PCDH11X: variants seen among roughly 807,000 people sequenced by gnomAD.
PCDH11X encodes the protein protocadherin-11 X-linked.
PCDH11X carries 18 observed loss-of-function variants against 53.3 expected under a neutral mutation model. That is an observed-to-expected ratio of 0.34 (90% confidence interval 0.23 to 0.50). The LOEUF (loss-of-function observed/expected upper bound fraction) is 0.50, where lower values mean the gene tolerates loss of function less well. Among genes scored for constraint, PCDH11X ranks in the 20% least tolerant of loss-of-function variants. PCDH11X has a pLI of 0.98. For missense variants in PCDH11X, 570 were observed against 1,032.4 expected, an observed-to-expected ratio of 0.55 and a Z score of 6.14; for synonymous variants, 279 against 393.3, an observed-to-expected ratio of 0.71 and a Z score of 3.44.
chrX:92,541,411 C>T, intron 10 of PCDH11X, among the ~76,000 whole-genome samples: 1 of 111,491 alleles, frequency 9.0e-6, no homozygotes, highest in East Asian at 2.8e-4. Context: ...CACAGGGCCA[C>T]TGCCAGTGGA....
At chrX:91,886,593 A>T (rs1053403429) in intron 6 of PCDH11X, among the ~76,000 whole-genome samples, 4 of 109,636 alleles carry the variant, frequency 3.6e-5, no homozygotes, top group African/African-American at 1.3e-4. Context: ...ATTATAAAAC[A>T]ATTTTAATCT....
At chrX:92,262,942 A>G (rs1278151316) in intron 7 of PCDH11X, 172 bp from the exon 8 acceptor site, 2 of 595,065 alleles carry the variant, frequency 3.4e-6, no homozygotes, top group African/African-American at 5.0e-5. Flanking sequence ...AATGTAGGAG[A>G]TGAAAGTAGT....
At chrX:91,973,982 G>A (rs1443278926) in intron 6 of PCDH11X, among the ~76,000 whole-genome samples, 1 of 110,701 alleles carries the variant, frequency 9.0e-6, no homozygotes. Context: ...CAGGCATTTT[G>A]CAAAACCTTT....
rs768267876 is a variant in PCDH11X, at chrX:91,901,534, TGTAA to T, written c.3033+22265_3033+22268del. On this transcript the variant is annotated intron_variant, in intron 6 of 10. Transcript: ENST00000682573. ...TCTCCATAGGCATAGGGAGATATTA[TGTAA>T]GTATTACTCTCTTTTCTGAATTACC... Among the ~76,000 whole-genome samples, 447 of 111,466 alleles carry T rather than the reference TGTAA, an allele frequency of 4.0e-3. 3 individuals are homozygous for T. Among genetic ancestry groups the T allele is most frequent in the South Asian group, 0.021 (55 of 2,654 alleles).
At chrX:92,291,151 C>G (rs1240601964) in intron 8 of PCDH11X, among the ~76,000 whole-genome samples, 1 of 107,817 alleles carries the variant, frequency 9.3e-6, no homozygotes, top group African/African-American at 3.4e-5. Context: ...CTCAAATGAT[C>G]CTCCCACCTG....
chrX:92,161,512 G>A (rs2476050), intron 6 of PCDH11X, among the ~76,000 whole-genome samples: 7 of 110,421 alleles, frequency 6.3e-5, no homozygotes, highest in African/African-American at 2.3e-4. Context: ...ATCTTTTTGC[G>A]ATGAATTTCC....
At chrX:92,041,983 A>C (rs746750522) in intron 6 of PCDH11X, among the ~76,000 whole-genome samples, 4 of 112,259 alleles carry the variant, frequency 3.6e-5, no homozygotes, top group Non-Finnish European at 7.5e-5. Flanking sequence ...AAACAAAAAA[A>C]TAGCCTCTAT....
intron 8 of PCDH11X, among the ~76,000 whole-genome samples, chrX:92,378,511 A>G (rs2148561632): frequency 9.0e-6 from 1 of 110,616 alleles, no homozygotes; most frequent in African/African-American, 3.3e-5. Context: ...ATATAAATAT[A>G]TATGTTTCTG....
intron 10 of PCDH11X, among the ~76,000 whole-genome samples, chrX:92,593,655 G>A (rs1489942524): frequency 4.5e-5 from 5 of 111,740 alleles, no homozygotes; most frequent in Non-Finnish European, 9.4e-5. Flanking sequence ...GATTGATCTT[G>A]TAAATGAAGT....
chrX:92,425,374 C>A (rs1235917481), intron 9 of PCDH11X, among the ~76,000 whole-genome samples: 2 of 107,466 alleles, frequency 1.9e-5, no homozygotes, highest in Admixed American at 2.0e-4. Flanking sequence ...ACAAAGTTCC[C>A]TAATATATTG....
At position 92,070,437 on chromosome X, in the gene PCDH11X, T is replaced by G. The variant is rs1346964906; in HGVS notation, c.3034-130938T>G. Among the ~76,000 whole-genome samples, 4 of 112,167 alleles carry G rather than the reference T, an allele frequency of 3.6e-5. No homozygotes were observed. In the Admixed American group the frequency reaches 3.8e-4, roughly 11 times the overall value. On this transcript the variant is annotated intron_variant, in intron 6 of 10. Transcript: ENST00000682573. ...TACAGAATATTTTCACAAGATATAC[T>G]ATTCTGGAATAAAAATTTTATTTCC...
chrX:92,551,336 A>G (rs937529256), intron 10 of PCDH11X, among the ~76,000 whole-genome samples: 19 of 108,944 alleles, frequency 1.7e-4, no homozygotes, highest in Non-Finnish European at 3.5e-4. Context: ...TTTTTCATAT[A>G]CTTGTTTGAC....
At chrX:91,908,075 A>G (rs1569436810) in intron 6 of PCDH11X, among the ~76,000 whole-genome samples, 1 of 111,373 alleles carries the variant, frequency 9.0e-6, no homozygotes, top group Non-Finnish European at 1.9e-5. Context: ...CTATTGGAAG[A>G]TACCCTAAGC....
chrX:92,274,880 G>T (rs745547376), intron 8 of PCDH11X, among the ~76,000 whole-genome samples: 1 of 109,375 alleles, frequency 9.1e-6, no homozygotes, highest in South Asian at 4.0e-4. Context: ...GGGAAATGGG[G>T]TGAATATCAG....
chrX:92,093,015 C>G (rs1207795843), intron 6 of PCDH11X, among the ~76,000 whole-genome samples: 1 of 111,595 alleles, frequency 9.0e-6, no homozygotes, highest in African/African-American at 3.3e-5. Flanking sequence ...CCACCACTCA[C>G]TCTCTTCCTC....
At chrX:92,333,343 G>T (rs1457262660) in intron 8 of PCDH11X, among the ~76,000 whole-genome samples, 1 of 110,863 alleles carries the variant, frequency 9.0e-6, no homozygotes, top group Non-Finnish European at 1.9e-5. Context: ...CTTTTTTATG[G>T]CTTGTGTAAT....
chrX:92,168,628 G>A (rs2065774288), intron 6 of PCDH11X, among the ~76,000 whole-genome samples: 1 of 111,407 alleles, frequency 9.0e-6, no homozygotes, highest in Admixed American at 9.6e-5. Context: ...ATAAACATGT[G>A]TGTCTTTTCT....
rs1362594354 is a variant in PCDH11X, at chrX:91,809,558, A to G, written c.-286A>G. Among the ~76,000 whole-genome samples the G allele has an allele frequency of 9.6e-6, 1 of 104,519 alleles. No homozygotes were observed. Among genetic ancestry groups the G allele is most frequent in the Non-Finnish European group, 2.0e-5 (1 of 50,977 alleles). The allele number at this position is 104,519 out of a possible 115,157, so 90.8% of individuals were successfully genotyped here. ...AAACACATTTTCCTTAAGTAAATTC[A>G]TGCATACTCCAAATAAAATACAGAA... On this transcript the variant is annotated 5_prime_UTR_variant, in exon 2 of 11. It removes an upstream start codon present in the reference 5' UTR. Coordinates refer to ENST00000682573, the MANE Select transcript of PCDH11X (RefSeq NM_032968.5).
chrX:91,949,144 T>C (rs1285114184), intron 6 of PCDH11X, among the ~76,000 whole-genome samples: 1 of 110,551 alleles, frequency 9.0e-6, no homozygotes, highest in Non-Finnish European at 1.9e-5. Context: ...TGTTATGGAA[T>C]GGGTCTGTCA....
Sources: allele counts gnomAD v4.1 joint callset (sites outside exome capture counted in the v4.1 genomes callset), GRCh38; gene constraint gnomAD v4.1.1; transcripts MANE v1.5; gene names NCBI Gene and HGNC (gene_info 2026-07-23, HGNC 2026-07-21).